The following RASGRF2 variants were observed in gnomAD, a reference collection of about 807,000 sequenced individuals.
The protein encoded by RASGRF2 is Ras protein specific guanine nucleotide releasing factor 2.
A neutral mutation model predicts 151.0 loss-of-function variants in RASGRF2; 76 were observed. The observed-to-expected ratio is 0.50, with a 90% confidence interval of 0.42 to 0.61. The LOEUF (loss-of-function observed/expected upper bound fraction) is 0.61, where lower values mean the gene tolerates loss of function less well. Among genes scored for constraint, RASGRF2 ranks in the 20% least tolerant of loss-of-function variants. The probability of loss-of-function intolerance (pLI) is 0.00; values close to 1 mark genes in which losing one functional copy is unlikely to be tolerated. For synonymous variants in RASGRF2, 504 were observed against 566.5 expected (o/e 0.89, Z 1.57); for missense variants, 1,148 against 1,564.6 (o/e 0.73, Z 4.49).
rs982441583 is a variant in RASGRF2 at position 81,073,438 on chromosome 5, T to C, written c.873T>C (p.Ser291=). The C allele has an allele frequency of 4.3e-6, 7 of 1,613,958 alleles. No individual in the cohort carries two copies. In the African/African-American group the frequency reaches 8.0e-5, roughly 18 times the overall value. ...KPPISHDDVS[S]IFLNSETIMF... is the part of the protein sequence containing the mutation. ...CCATCAGCCACGACGACGTCAGCAG[T>C]ATTTTTCTTAACAGGTTTGACATTG... The change falls in exon 5 of 27, where the codon AGT becomes AGC. Residue 291 remains serine, a synonymous_variant. Coordinates refer to ENST00000265080, the MANE Select transcript of RASGRF2 (RefSeq NM_006909.3).
At position 81,132,601 on chromosome 5, in the gene RASGRF2, A is replaced by G. The variant is rs1382238410; in HGVS notation, c.2686+5438A>G. Among the ~76,000 whole-genome samples, 3 of 152,190 alleles carry G rather than the reference A, an allele frequency of 2.0e-5. No homozygotes were observed. The East Asian group carries it at 5.8e-4, about 29-fold the overall frequency. ...ACTTTTCCTCACACTCATGATTGGA[A>G]AGTCCTTGAGATATGCCTAGACCTG... On this transcript the variant is annotated intron_variant, in intron 17 of 26. Coordinates refer to ENST00000265080, the MANE Select transcript of RASGRF2 (RefSeq NM_006909.3).
At chr5:81,129,213 A>G (rs1753551576) in intron 17 of RASGRF2, among the ~76,000 whole-genome samples, 1 of 152,212 alleles carries the variant, frequency 6.6e-6, no homozygotes, top group Admixed American at 6.5e-5. Flanking sequence ...AACTAAACCT[A>G]TGGGCTCCAA....
intron 1 of RASGRF2, among the ~76,000 whole-genome samples, chr5:81,029,534 C>G (rs1750161476): frequency 6.6e-6 from 1 of 152,222 alleles, no homozygotes; most frequent in African/African-American, 2.4e-5. Flanking sequence ...CACAGGCAAA[C>G]AGGGTCTGGA....
Position 81,113,770 on chromosome 5 carries a change from G to T in RASGRF2, c.2320G>T (p.Ala774Ser), listed in dbSNP as rs185795015. Reference sequence around the variant, plus strand: ...TCCCACCACCACCACCCAGAGTCCCGCTGCGTCTCCACCACCACACACTGG... The same window carrying T: ...TCCCACCACCACCACCCAGAGTCCCTCTGCGTCTCCACCACCACACACTGG... ...SSPTTTTQSPAASPPPHTGQI... is the reference protein window; with the variant it reads ...SSPTTTTQSPSASPPPHTGQI... The change falls in exon 15 of 27, where the codon GCT becomes TCT. Residue 774 changes from alanine to serine, a missense_variant. Ala to Ser is a moderately conservative substitution (Grantham distance 99, BLOSUM62 1). Transcript: ENST00000265080. 6.2e-7 allele frequency: 1 copy of T among 1,613,986 alleles called. No individual in the cohort carries two copies. The highest frequency in any genetic ancestry group is 1.1e-5 in the South Asian group (1 of 91,058).
chr5:81,064,932 C>G (rs72635624), intron 2 of RASGRF2, among the ~76,000 whole-genome samples: 22,702 of 152,026 alleles, frequency 0.15, 2,136 homozygotes, highest in East Asian at 0.36. Flanking sequence ...TAAAAAGGGT[C>G]GTTAGTGGAC....
rs148885251 is a variant in RASGRF2, at chr5:81,215,908, T to C, written c.3387T>C (p.Thr1129=). The change falls in exon 24 of 27, where the codon ACT becomes ACC. Residue 1129 remains threonine (T), a synonymous_variant. Coordinates refer to ENST00000265080, the MANE Select transcript of RASGRF2 (RefSeq NM_006909.3). ...CTCTAATGGACAAACTTCAAAAGAC[T>C]GTTTCCTCTGAAGGAAGATTTAAAA... ...TKALMDKLQK[T]VSSEGRFKNL... 6.4e-7 allele frequency: 1 copy of C among 1,552,540 alleles called. No homozygotes were observed. The highest frequency in any genetic ancestry group is 8.6e-7 in the Non-Finnish European group (1 of 1,158,142).
intron 17 of RASGRF2, among the ~76,000 whole-genome samples, chr5:81,148,007 C>G (rs551109084): frequency 7.9e-5 from 12 of 152,328 alleles, no homozygotes; most frequent in Admixed American, 2.0e-4. Context: ...CCTGCCTTGC[C>G]TTCCTTACCT....
At chr5:81,134,825 T>A (rs1012435568) in intron 17 of RASGRF2, among the ~76,000 whole-genome samples, 1 of 152,192 alleles carries the variant, frequency 6.6e-6, no homozygotes, top group African/African-American at 2.4e-5. Flanking sequence ...TGTTCCAAGT[T>A]GTACATTTAA....
chr5:81,214,326 C>CAG (rs1295011380), intron 23 of RASGRF2, among the ~76,000 whole-genome samples: 6 of 152,206 alleles, frequency 3.9e-5, no homozygotes, highest in Non-Finnish European at 5.9e-5. Context: ...GACTGTCCCC[C>CAG]AGAGAGGCTG....
chr5:81,187,215 A>T (rs569254827), intron 18 of RASGRF2, among the ~76,000 whole-genome samples: 1 of 152,318 alleles, frequency 6.6e-6, no homozygotes, highest in Non-Finnish European at 1.5e-5. Flanking sequence ...GTTCTATGTC[A>T]TGGTGCCCAG....
intron 1 of RASGRF2, among the ~76,000 whole-genome samples, chr5:81,007,463 T>C (rs1202183102): frequency 6.6e-6 from 1 of 152,138 alleles, no homozygotes; most frequent in Non-Finnish European, 1.5e-5. Context: ...TGGAGCTGCC[T>C]TGAGGCCAGA....
At chr5:81,109,455 C>T (rs1029374128) in intron 13 of RASGRF2, among the ~76,000 whole-genome samples, 6 of 152,120 alleles carry the variant, frequency 3.9e-5, no homozygotes, top group Non-Finnish European at 7.4e-5. Flanking sequence ...CAGGAGTTTG[C>T]GAACAGCCTG....
At chr5:81,029,510 C>G (rs1750160639) in intron 1 of RASGRF2, among the ~76,000 whole-genome samples, 1 of 152,208 alleles carries the variant, frequency 6.6e-6, no homozygotes, top group Non-Finnish European at 1.5e-5. Context: ...GTTCTGCAGC[C>G]TCCGCTGGTG....
rs1263841071 is a variant in RASGRF2 at position 81,004,628 on chromosome 5, T to C, written c.289-38249T>C. Among the ~76,000 whole-genome samples the C allele has an allele frequency of 3.9e-5, 6 of 152,214 alleles. No homozygotes were observed. The East Asian group carries it at 1.2e-3, about 29-fold the overall frequency. ...TGCATCTTAATAATGTACTTTTCCTTAAAGCACGTGGCTGTCTTGGCCAAG... is the reference window on the plus strand; with the variant it reads ...TGCATCTTAATAATGTACTTTTCCTCAAAGCACGTGGCTGTCTTGGCCAAG... On this transcript the variant is annotated intron_variant, in intron 1 of 26. Transcript: ENST00000265080.
chr5:81,014,256 A>G (rs1372068872), intron 1 of RASGRF2, among the ~76,000 whole-genome samples: 2 of 152,156 alleles, frequency 1.3e-5, no homozygotes, highest in South Asian at 2.1e-4. Flanking sequence ...GTCTGTTTTC[A>G]CACTGCTGAT....
chr5:81,015,286 A>G (rs1749593911), intron 1 of RASGRF2, among the ~76,000 whole-genome samples: 1 of 152,192 alleles, frequency 6.6e-6, no homozygotes, highest in Non-Finnish European at 1.5e-5. Context: ...ATAGCCAGTA[A>G]TGGGATTGCT....
At position 81,222,605 on chromosome 5, in the gene RASGRF2, T is replaced by A. The variant is rs151289667; in HGVS notation, c.3621+2827T>A. On this transcript the variant is annotated intron_variant, in intron 26 of 26. Coordinates refer to ENST00000265080, the MANE Select transcript of RASGRF2 (RefSeq NM_006909.3). ...TTTTACATTTATTTGTGTGATTATG[T>A]GCACATGCATGATATCCATGAAGTT... 2.9e-3 allele frequency among the ~76,000 whole-genome samples: 441 copies of A among 152,302 alleles called. 3 individuals carry two copies. Among genetic ancestry groups the A allele is most frequent in the African/African-American group, 0.01 (421 of 41,588 alleles).
At chr5:81,043,732 C>G (rs1208044920) in intron 2 of RASGRF2, among the ~76,000 whole-genome samples, 1 of 152,184 alleles carries the variant, frequency 6.6e-6, no homozygotes, top group Non-Finnish European at 1.5e-5. Flanking sequence ...ACTCCCTGCT[C>G]TCTTGTCTTG....
intron 1 of RASGRF2, among the ~76,000 whole-genome samples, chr5:81,042,295 G>A (rs925869471): frequency 1.3e-5 from 2 of 152,114 alleles, no homozygotes; most frequent in African/African-American, 4.8e-5. Flanking sequence ...CCTTTCCCGT[G>A]TCAAGTATGC....
Sources: gnomAD v4.1 joint callset for allele counts (sites outside exome capture counted in the v4.1 genomes callset) on GRCh38, gnomAD v4.1.1 for gene constraint, MANE v1.5 for transcripts, NCBI Gene and HGNC (gene_info 2026-07-23, HGNC 2026-07-21) for gene names.